Variants in MCTP2 observed in about 807,000 individuals in gnomAD.
The protein encoded by MCTP2 is multiple C2 and transmembrane domain containing 2, also known as multiple C2 and transmembrane domain-containing protein 2.
Under a neutral mutation model 111.6 loss-of-function variants are expected in MCTP2, and 132 were observed. The observed-to-expected ratio is 1.18, with a 90% CI of 1.03 to 1.37. The LOEUF is 1.37. MCTP2 is among the 40% of genes most tolerant of loss of function. The pLI is 0.00. For missense variants in MCTP2, 1,183 were observed against 1,067.9 expected, an observed-to-expected ratio of 1.11 and a Z score of -1.50; for synonymous variants, 395 against 387.7, an observed-to-expected ratio of 1.02 and a Z score of -0.22.
chr15:94,458,012 A>G, intron 19 of MCTP2, 125 bp from the exon 20 acceptor site: 1 of 606,732 alleles, frequency 1.6e-6, no homozygotes, highest in South Asian at 2.1e-5. Context: ...TTGTAAAACA[A>G]TGATTTATCT....
At chr15:94,433,711 T>A (rs898720234) in intron 17 of MCTP2, among the ~76,000 whole-genome samples, 2 of 152,228 alleles carry the variant, frequency 1.3e-5, no homozygotes, top group African/African-American at 4.8e-5. Context: ...TTTGTGTTTT[T>A]ACCAAGGATG....
chr15:94,298,845 T>TC lies in MCTP2; in HGVS notation c.465+115_465+116insC, dbSNP rs1234388115. ...CTTCCCCCCTCCCCCTCCCTCTCTC[T>TC]TCCCCCCTCCCCCTCCCTCTCTCTC... On this transcript the variant is annotated intron_variant, in intron 2 of 22. Transcript: ENST00000357742. 2,702 of 341,512 alleles carry TC rather than the reference T, an allele frequency of 7.9e-3. 98 individuals carry two copies. Among genetic ancestry groups the TC allele is most frequent in the Non-Finnish European group, 9.7e-3 (2,031 of 210,308 alleles). The allele number at this position is 341,512 out of a possible 1,614,324, so 21.2% of individuals were successfully genotyped here.
intron 4 of MCTP2, among the ~76,000 whole-genome samples, chr15:94,337,034 T>C (rs1021089815): frequency 1.2e-4 from 18 of 152,074 alleles, no homozygotes; most frequent in African/African-American, 4.3e-4. Context: ...ATCTCATCAT[T>C]TGTATAATCT....
At chr15:94,244,516 ATATT>A (rs993559528) in intron 1 of MCTP2, among the ~76,000 whole-genome samples, 2 of 146,298 alleles carry the variant, frequency 1.4e-5, no homozygotes, top group South Asian at 2.1e-4. Flanking sequence ...ATATGCACCT[ATATT>A]TATATTCGTA....
chr15:94,322,204 G>C (rs1411957592), intron 4 of MCTP2, among the ~76,000 whole-genome samples: 1 of 152,114 alleles, frequency 6.6e-6, no homozygotes, highest in Non-Finnish European at 1.5e-5. Flanking sequence ...TTATGACAGA[G>C]GCTCCTTCAG....
At chr15:94,336,493 G>C (rs2077366577) in intron 4 of MCTP2, among the ~76,000 whole-genome samples, 1 of 152,052 alleles carries the variant, frequency 6.6e-6, no homozygotes, top group African/African-American at 2.4e-5. Flanking sequence ...AGCCACACTC[G>C]GAAATGGCCG....
intron 1 of MCTP2, among the ~76,000 whole-genome samples, chr15:94,236,600 C>G (rs529947118): frequency 2.6e-5 from 4 of 152,060 alleles, no homozygotes; most frequent in African/African-American, 9.6e-5. Flanking sequence ...GAATCTAATT[C>G]TGAGAATGCC....
intron 17 of MCTP2, among the ~76,000 whole-genome samples, chr15:94,423,294 T>C (rs1042253232): frequency 2.6e-5 from 4 of 152,140 alleles, no homozygotes; most frequent in African/African-American, 9.7e-5. Context: ...ATATTACCAT[T>C]CCCATTTCAC....
At chr15:94,382,225 G>A (rs2080178795) in intron 12 of MCTP2, among the ~76,000 whole-genome samples, 1 of 152,234 alleles carries the variant, frequency 6.6e-6, no homozygotes, top group African/African-American at 2.4e-5. Flanking sequence ...TGAGATATGG[G>A]CTGAGTTTCT....
At chr15:94,245,139 T>C (rs1368543306) in intron 1 of MCTP2, among the ~76,000 whole-genome samples, 1 of 148,754 alleles carries the variant, frequency 6.7e-6, no homozygotes, top group East Asian at 2.0e-4. Context: ...TGTGTATATA[T>C]TTATACACAC....
At position 94,405,072 on chromosome 15, in the gene MCTP2, C is replaced by T. The variant is rs538918194; in HGVS notation, c.2085+3053C>T. Among the ~76,000 whole-genome samples the T allele has an allele frequency of 1.3e-3, 197 of 152,294 alleles. 1 individual carries two copies. Among genetic ancestry groups the T allele is most frequent in the Middle Eastern group, 6.8e-3 (2 of 294 alleles). ...AAGGATTTATTAAATGACCCGTAGT[C>T]AGGTCCTCTAATTGAAATTAGCGAA... is the stretch of plus-strand genomic sequence containing the variant. On this transcript the variant is annotated intron_variant, in intron 17 of 22. Coordinates refer to ENST00000357742, the MANE Select transcript of MCTP2 (RefSeq NM_001385001.1).
At chr15:94,316,569 A>G (rs1340142232) in intron 4 of MCTP2, among the ~76,000 whole-genome samples, 7 of 152,228 alleles carry the variant, frequency 4.6e-5, no homozygotes, top group African/African-American at 1.7e-4. Context: ...TGTTGGGAAG[A>G]TGGCAGGCAT....
chr15:94,434,704 C>G (rs1332250313), intron 17 of MCTP2, among the ~76,000 whole-genome samples: 1 of 152,160 alleles, frequency 6.6e-6, no homozygotes, highest in Non-Finnish European at 1.5e-5. Flanking sequence ...ACTCTATCTT[C>G]TACTCCACTG....
intron 5 of MCTP2, 91 bp from the exon 6 acceptor site, chr15:94,340,108 G>C: frequency 1.2e-6 from 1 of 864,290 alleles, no homozygotes; most frequent in Non-Finnish European, 1.9e-6. Flanking sequence ...ACTGATTTCA[G>C]AATTTCCAAC....
rs1289683827 is a variant in MCTP2, at chr15:94,244,085, CAT to C, written c.-66+12424_-66+12425del. Among the ~76,000 whole-genome samples, 105 of 54,392 alleles carry C rather than the reference CAT, an allele frequency of 1.9e-3. 1 individual carries two copies. Among genetic ancestry groups the C allele is most frequent in the Non-Finnish European group, 2.7e-3 (56 of 20,790 alleles). The allele number at this position is 54,392 out of a possible 152,430, so 35.7% of individuals were successfully genotyped here. On this transcript the variant is annotated intron_variant, in intron 1 of 22. Coordinates refer to ENST00000357742, the MANE Select transcript of MCTP2 (RefSeq NM_001385001.1). ...ACATATGTGTATATATTTATGCACACATATGTATACACATACATATGTGTATA... is the reference window on the plus strand; with the variant it reads ...ACATATGTGTATATATTTATGCACACATGTATACACATACATATGTGTATA...
In MCTP2 at chr15:94,367,617, T is replaced by A; in HGVS notation, c.1314T>A (p.Asp438Glu). Residue 438 changes from aspartate to glutamate, a missense_variant, in exon 11 of 23, where the codon GAT becomes GAA. Coordinates refer to ENST00000357742, the MANE Select transcript of MCTP2 (RefSeq NM_001385001.1). ...HEERLGTCKVDISALPLKQAN... is the reference protein window; with the variant it reads ...HEERLGTCKVEISALPLKQAN... Reference sequence around the variant, plus strand: ...GAAACTTTTCTAGGTGTAAAGTGGATATCTCGGCACTCCCTCTGAAGCAAG... The same window carrying A: ...GAAACTTTTCTAGGTGTAAAGTGGAAATCTCGGCACTCCCTCTGAAGCAAG... 6.2e-7 allele frequency: 1 copy of A among 1,610,018 alleles called. No individual in the cohort carries two copies. Among genetic ancestry groups the A allele is most frequent in the Non-Finnish European group, 8.5e-7 (1 of 1,178,304 alleles).
chr15:94,436,889 G>T (rs899627140), intron 17 of MCTP2, among the ~76,000 whole-genome samples: 12 of 151,494 alleles, frequency 7.9e-5, no homozygotes, highest in Non-Finnish European at 1.3e-4. Flanking sequence ...GTAACAATAG[G>T]GAAAGGGAAA....
intron 1 of MCTP2, among the ~76,000 whole-genome samples, chr15:94,245,638 A>G (rs1041709931): frequency 4.8e-5 from 7 of 145,980 alleles, no homozygotes; most frequent in Non-Finnish European, 7.5e-5. Flanking sequence ...ACATATACTT[A>G]TACATATACA....
At chr15:94,246,333 G>C (rs1043012176) in intron 1 of MCTP2, among the ~76,000 whole-genome samples, 1 of 152,120 alleles carries the variant, frequency 6.6e-6, no homozygotes, top group African/African-American at 2.4e-5. Context: ...TAAGCTTTCT[G>C]TGCCTCAGTT....
Sources: gnomAD v4.1 joint callset for allele counts (sites outside exome capture counted in the v4.1 genomes callset) on GRCh38, gnomAD v4.1.1 for gene constraint, MANE v1.5 for transcripts, NCBI Gene and HGNC (gene_info 2026-07-23, HGNC 2026-07-21) for gene names.